The following SPAG4 variants were observed in gnomAD, a reference collection of about 807,000 sequenced individuals.
SPAG4 encodes the protein sperm-associated antigen 4 protein.
In SPAG4, 54 loss-of-function variants were observed where a neutral mutation model predicts 53.9. That is an observed-to-expected ratio of 1.00 (90% confidence interval 0.80 to 1.26). The LOEUF (loss-of-function observed/expected upper bound fraction) is 1.26. SPAG4 is among the 50% of genes most tolerant of loss of function. The pLI, the probability that SPAG4 is intolerant of heterozygous loss-of-function variation, is 0.00. For synonymous variants in SPAG4, 246 were observed against 237.4 expected (o/e 1.04, Z -0.33); for missense variants, 548 against 568.6 (o/e 0.96, Z 0.37).
chr20:35,620,627 C>CCG, intron 10 of SPAG4, 57 bp from the exon 11 acceptor site: 1 of 396,768 alleles, frequency 2.5e-6, no homozygotes, highest in South Asian at 2.1e-5. Context: ...CTTCTCCCCG[C>CCG]CCCCCCCGCC....
chr20:35,618,768 G>C, intron 7 of SPAG4, 48 bp downstream of exon 7: 1 of 1,484,022 alleles, frequency 6.7e-7, no homozygotes, highest in South Asian at 1.2e-5. Context: ...CCTGCTCCCA[G>C]GGTCCTGAGA....
In SPAG4 at chr20:35,617,847, G is replaced by A; in HGVS notation, c.538+7G>A. On this transcript the variant is annotated splice_region_variant and intron_variant, in intron 4 of 11. Transcript: ENST00000374273. ...CTGAGCCTCTTTCTGTCAGGTGAGG[G>A]GCAGTGAATTCCCTGGAGCCCCTGC... is the stretch of plus-strand genomic sequence containing the variant. 1 of 1,613,886 alleles carries A rather than the reference G, an allele frequency of 6.2e-7. No individual in the cohort carries two copies. Among genetic ancestry groups the A allele is most frequent in the East Asian group, 2.2e-5 (1 of 44,880 alleles).
chr20:35,619,041 A>G, intron 8 of SPAG4, 43 bp downstream of exon 8: 11 of 1,565,470 alleles, frequency 7.0e-6, no homozygotes, highest in Non-Finnish European at 9.7e-6. Flanking sequence ...CAGACAGGAA[A>G]GAGGCCAAGA....
chr20:35,616,915 C>T (rs963214408), intron 1 of SPAG4: 1 of 564,362 alleles, frequency 1.8e-6, no homozygotes, highest in Non-Finnish European at 3.2e-6. Context: ...CAGGCGTGAG[C>T]CACCGCGCCC....
Position 35,616,315 on chromosome 20 carries a change from C to A in SPAG4, c.304+8C>A. ...TGAGGGGCGGGGCCTCGGGTGCGGGCGGGGTCGACCCCGGGTGAGCCAGTG... is the reference window on the plus strand; with the variant it reads ...TGAGGGGCGGGGCCTCGGGTGCGGGAGGGGTCGACCCCGGGTGAGCCAGTG... On this transcript the variant is annotated splice_region_variant and intron_variant, in intron 1 of 11. Transcript: ENST00000374273. 9.9e-7 allele frequency: 1 copy of A among 1,005,434 alleles called. No homozygotes were observed. The highest frequency in any genetic ancestry group is 1.9e-5 in the African/African-American group (1 of 52,718). The allele number at this position is 1,005,434 out of a possible 1,614,324, so 62.3% of individuals were successfully genotyped here.
At chr20:35,616,973 C>A (rs1238816694) in intron 1 of SPAG4, 163 bp from the exon 2 acceptor site, 4 of 603,800 alleles carry the variant, frequency 6.6e-6, no homozygotes, top group Admixed American at 2.9e-5. Context: ...GGCGGGGCTT[C>A]AGAGGGCGGA....
Position 35,618,435 on chromosome 20 carries a change from C to T in SPAG4, c.583-15C>T, listed in dbSNP as rs1477715101. On this transcript the variant is annotated splice_polypyrimidine_tract_variant and intron_variant, in intron 5 of 11. Transcript: ENST00000374273. ...GGAGCTGAGCGGCTCTGTGTTTTGT[C>T]CCTTCATCCAACAGGAACCTAAGGA... 1.2e-6 allele frequency: 2 copies of T among 1,613,860 alleles called. No individual in the cohort carries two copies. Among genetic ancestry groups the T allele is most frequent in the South Asian group, 2.2e-5 (2 of 91,014 alleles).
At position 35,617,552 on chromosome 20, in the gene SPAG4, T is replaced by C; in HGVS notation, c.442T>C (p.Ser148Pro). 1 of 1,604,432 alleles carries C rather than the reference T, an allele frequency of 6.2e-7. No homozygotes were observed. Among genetic ancestry groups the C allele is most frequent in the Middle Eastern group, 1.7e-4 (1 of 6,056 alleles). Residue 148 changes from serine (S) to proline (P), a missense_variant, in exon 3 of 12, where the codon TCC (serine) becomes CCC (proline). Ser to Pro is a moderately conservative substitution (Grantham distance 74). Transcript: ENST00000374273. ...CTTCCAGGGGCTGAGCGTGTTGTTA[T>C]CCCTGGCAGGAGACGTGCTGGTCAG... ...LLFQGLSVLLSLAGDVLVSMY... is the reference protein window; with the variant it reads ...LLFQGLSVLLPLAGDVLVSMY...
rs1231682139 is a variant in SPAG4 at position 35,616,313 on chromosome 20, G to A, written c.304+6G>A. The A allele has an allele frequency of 2.0e-6, 3 of 1,467,202 alleles. No individual in the cohort carries two copies. The South Asian group carries it at 4.3e-5, about 21-fold the overall frequency. 90.9% of individuals were successfully genotyped at this position (1,467,202 alleles called of 1,614,324 possible). On this transcript the variant is annotated splice_donor_region_variant and intron_variant, in intron 1 of 11. Coordinates refer to ENST00000374273, the MANE Select transcript of SPAG4 (RefSeq NM_003116.3). Reference sequence around the variant, plus strand: ...CGTGAGGGGCGGGGCCTCGGGTGCGGGCGGGGTCGACCCCGGGTGAGCCAG... The same window carrying A: ...CGTGAGGGGCGGGGCCTCGGGTGCGAGCGGGGTCGACCCCGGGTGAGCCAG...
chr20:35,617,263 T>C (rs1300820669), intron 2 of SPAG4, 23 bp downstream of exon 2: 2 of 1,516,764 alleles, frequency 1.3e-6, no homozygotes, highest in Non-Finnish European at 1.8e-6. Context: ...CCAGCTGCGA[T>C]CCCCTCTGAC....
chr20:35,620,990 G>C lies in SPAG4; in HGVS notation c.1282G>C (p.Gly428Arg), dbSNP rs977982540. 29 of 1,614,084 alleles carry C rather than the reference G, an allele frequency of 1.8e-5. No individual in the cohort carries two copies. Among genetic ancestry groups the C allele is most frequent in the Non-Finnish European group, 2.4e-5 (28 of 1,180,046 alleles). ...VRAHGVRTSE[G>R]AEGSAQGPH is the part of the protein sequence containing the mutation. ...TGCCCACGGTGTGCGAACCTCAGAG[G>C]GGGCAGAGGGCAGTGCACAGGGGCC... Residue 428 changes from glycine (G) to arginine (R), a missense_variant, in exon 12 of 12, where the codon GGG (glycine) becomes CGG (arginine). Coordinates refer to ENST00000374273, the MANE Select transcript of SPAG4 (RefSeq NM_003116.3).
intron 9 of SPAG4, 84 bp from the exon 10 acceptor site, chr20:35,619,495 A>G (rs2031502104): frequency 6.4e-7 from 1 of 1,556,422 alleles, no homozygotes; most frequent in Non-Finnish European, 8.8e-7. Flanking sequence ...GGGTCGATGG[A>G]TGGGGTCGAG....
At chr20:35,618,364 A>T (rs1280748226) in intron 5 of SPAG4, 86 bp from the exon 6 acceptor site, 1 of 1,553,604 alleles carries the variant, frequency 6.4e-7, no homozygotes, top group Admixed American at 1.8e-5. Context: ...GTCTTCAAAA[A>T]GGAAGCCCTG....
intron 4 of SPAG4, 108 bp from the exon 5 acceptor site, chr20:35,617,979 G>C (rs79032128): frequency 1.5e-6 from 2 of 1,361,826 alleles, no homozygotes; most frequent in Non-Finnish European, 2.1e-6. Flanking sequence ...AGACTCCCAC[G>C]GTCCTCCCCA....
rs2031434517 is a variant in SPAG4, at chr20:35,617,685, T to C, written c.477-94T>C. The C allele has an allele frequency of 7.1e-6, 11 of 1,556,512 alleles. No homozygotes were observed. In the South Asian group the frequency reaches 1.2e-4, roughly 17 times the overall value. On this transcript the variant is annotated intron_variant, in intron 3 of 11. Transcript: ENST00000374273. ...GGCGCTTGAGCCGATTCAGATCTGA[T>C]TGAGTCATGTTGGCAAGAGCTGGGT...
chr20:35,620,621 T>TCA, intron 10 of SPAG4, 63 bp from the exon 11 acceptor site: 4 of 510,082 alleles, frequency 7.8e-6, no homozygotes, highest in South Asian at 1.6e-5. Context: ...AGTTTTCTTC[T>TCA]CCCCGCCCCC....
At chr20:35,616,986 T>TGGAGCC (rs2031407501) in intron 1 of SPAG4, 150 bp from the exon 2 acceptor site, 2 of 613,886 alleles carry the variant, frequency 3.3e-6, no homozygotes, top group South Asian at 3.9e-5. Flanking sequence ...AGGGCGGAGC[T>TGGAGCC]GGAGCCGGGA....
At chr20:35,620,043 C>T (rs2031523934) in intron 10 of SPAG4, among the ~76,000 whole-genome samples, 1 of 152,180 alleles carries the variant, frequency 6.6e-6, no homozygotes. Flanking sequence ...CATCTCAGCT[C>T]ACCTGCAACC....
chr20:35,617,813 G>T lies in SPAG4; in HGVS notation c.511G>T (p.Val171Leu). Reference protein sequence around the residue: ...VCSIRFLFTAVSLLSLFLSAF... With the variant: ...VCSIRFLFTALSLLSLFLSAF... Reference sequence around the variant, plus strand: ...TTCCATCCGCTTCCTGTTCACGGCTGTGTCGCTGCTGAGCCTCTTTCTGTC... The same window carrying T: ...TTCCATCCGCTTCCTGTTCACGGCTTTGTCGCTGCTGAGCCTCTTTCTGTC... Residue 171 changes from valine (V) to leucine (L), a missense_variant, in exon 4 of 12, where the codon GTG becomes TTG. Transcript: ENST00000374273. 1 of 1,614,104 alleles carries T rather than the reference G, an allele frequency of 6.2e-7. No homozygotes were observed. The highest frequency in any genetic ancestry group is 8.5e-7 in the Non-Finnish European group (1 of 1,180,004).
Sources: allele counts gnomAD v4.1 joint callset (sites outside exome capture counted in the v4.1 genomes callset), GRCh38; gene constraint gnomAD v4.1.1; transcripts MANE v1.5; gene names NCBI Gene and HGNC (gene_info 2026-07-23, HGNC 2026-07-21).